Variants in RHNO1 observed in about 807,000 individuals in gnomAD.
The protein encoded by RHNO1 is RAD9, HUS1, RAD1-interacting nuclear orphan protein 1.
A neutral mutation model predicts 7.2 loss-of-function variants in RHNO1; 9 were observed. The ratio of observed to expected loss-of-function variants is 1.25; its 90% confidence interval spans 0.75 to 2.18. The LOEUF (loss-of-function observed/expected upper bound fraction) is 2.18. Ranked by LOEUF, RHNO1 falls within the 30% of genes most tolerant of loss-of-function variation. The pLI, the probability that RHNO1 is intolerant of heterozygous loss-of-function variation, is 0.00. For synonymous variants in RHNO1, 95 were observed against 107.5 expected (o/e 0.88, Z 0.72); for missense variants, 292 against 284.5 (o/e 1.03, Z -0.19).
chr12:2,882,111 C>T (rs903143592), intron 1 of RHNO1, among the ~76,000 whole-genome samples: 1 of 151,602 alleles, frequency 6.6e-6, no homozygotes, highest in Non-Finnish European at 1.5e-5. Context: ...TTGCATTCAA[C>T]CTTGTGTCCC....
In RHNO1 at chr12:2,888,630, C is replaced by T. The variant is rs992506261; in HGVS notation, c.*171C>T. The T allele has an allele frequency of 4.5e-5, 22 of 493,852 alleles. No homozygotes were observed. Among genetic ancestry groups the T allele is most frequent in the South Asian group, 1.6e-4 (3 of 19,262 alleles). 30.6% of individuals were successfully genotyped at this position (493,852 alleles called of 1,614,324 possible). A position where few individuals can be genotyped will look rare whatever the true frequency, so the allele number is the denominator to read the frequency against. ...GCAACCACCACTTCCTGGGTTCAAGCGATTCTCCTGCCTCAGCCTCCCCAG... is the reference window on the plus strand; with the variant it reads ...GCAACCACCACTTCCTGGGTTCAAGTGATTCTCCTGCCTCAGCCTCCCCAG... On this transcript the variant is annotated 3_prime_UTR_variant, in exon 3 of 3. Transcript: ENST00000489288.
At position 2,888,491 on chromosome 12, in the gene RHNO1, A is replaced by G. The variant is rs1230750358; in HGVS notation, c.*32A>G. The G allele has an allele frequency of 2.0e-6, 3 of 1,502,260 alleles. No individual in the cohort carries two copies. Among genetic ancestry groups the G allele is most frequent in the Non-Finnish European group, 8.9e-7 (1 of 1,121,900 alleles). 93.1% of individuals were successfully genotyped at this position (1,502,260 alleles called of 1,614,324 possible). A position where few individuals can be genotyped will look rare whatever the true frequency, so the allele number is the denominator to read the frequency against. The stretch of plus-strand genomic sequence containing the variant: ...TCAGTAATCTCAATAGAAAAGAGAT[A>G]TGTTTTCTGGAGTCATAAAGGAATT... On this transcript the variant is annotated 3_prime_UTR_variant, in exon 3 of 3. Coordinates refer to ENST00000489288, the MANE Select transcript of RHNO1 (RefSeq NM_001252499.3).
Position 2,889,428 on chromosome 12 carries a change from T to C in RHNO1, c.*969T>C, listed in dbSNP as rs558620289. On this transcript the variant is annotated 3_prime_UTR_variant, in exon 3 of 3. Transcript: ENST00000489288. The stretch of plus-strand genomic sequence containing the variant: ...GAAAGTTTTCAATGAGTATTACTTA[T>C]TGTAATTAATGCAGAAGGACTTCCC... 3 of 152,326 alleles carry C rather than the reference T, an allele frequency of 2.0e-5. No homozygotes were observed. The highest frequency in any genetic ancestry group is 2.1e-4 in the South Asian group (1 of 4,830). The allele number at this position is 152,326 out of a possible 1,614,324, so 9.4% of individuals were successfully genotyped here. A position where few individuals can be genotyped will look rare whatever the true frequency, so the allele number is the denominator to read the frequency against.
rs2098168102 is a variant in RHNO1, at chr12:2,888,315, C to T, written c.573C>T (p.Ser191=). 1 of 1,614,114 alleles carries T rather than the reference C, an allele frequency of 6.2e-7. No individual in the cohort carries two copies. Residue 191 remains serine (S), a synonymous_variant, in exon 3 of 3, where the codon AGC becomes AGT. Coordinates refer to ENST00000489288, the MANE Select transcript of RHNO1 (RefSeq NM_001252499.3). The part of the protein sequence containing the change: ...SCTLHTGTPN[S]PEPGPVLVKD... ...CTCTTCACACTGGCACTCCTAATAG[C>T]CCAGAGCCTGGACCTGTTCTGGTTA...
At chr12:2,876,468 G>C (rs998708098), upstream of RHNO1, 3 of 152,194 alleles carry the variant, frequency 2.0e-5, no homozygotes, top group African/African-American at 7.2e-5. Flanking sequence ...CCTGAGCGGG[G>C]AAATCTTGCT....
rs752412686 is a variant in RHNO1, at chr12:2,885,386, G to A, written c.20G>A (p.Arg7His). The A allele has an allele frequency of 9.3e-6, 15 of 1,612,452 alleles. No individual in the cohort carries two copies. Among genetic ancestry groups the A allele is most frequent in the Non-Finnish European group, 1.3e-5 (15 of 1,179,536 alleles). The change falls in exon 2 of 3, where the codon CGC (arginine) becomes CAC (histidine). Residue 7 changes from arginine to histidine, a missense_variant. Arg to His is a conservative substitution (Grantham distance 29). Transcript: ENST00000489288. Reference protein sequence around the residue: MPPRKKRRQPSQKAPLL... With the variant: MPPRKKHRQPSQKAPLL... ...CGGTTGATGCCTCCCAGAAAAAAACGCCGCCAGCCTTCCCAGAAAGCCCCG... is the reference window on the plus strand; with the variant it reads ...CGGTTGATGCCTCCCAGAAAAAAACACCGCCAGCCTTCCCAGAAAGCCCCG...
intron 2 of RHNO1, chr12:2,885,759 T>C (rs2098164877): frequency 2.4e-6 from 1 of 415,510 alleles, no homozygotes; most frequent in African/African-American, 2.1e-5. Flanking sequence ...GTATTTTCAG[T>C]AGAGATGGGG....
rs1304371318 is a variant in RHNO1, at chr12:2,886,320, A to C, written c.168+786A>C. 3 of 152,270 alleles carry C rather than the reference A, an allele frequency of 2.0e-5. No homozygotes were observed. The East Asian group carries it at 5.8e-4, about 29-fold the overall frequency. 9.4% of individuals were successfully genotyped at this position (152,270 alleles called of 1,614,324 possible). The stretch of plus-strand genomic sequence containing the variant: ...TGAACCTTGAAAAATAAAACCCCAT[A>C]AGAATAGCATATGTCATATTTTGAC... On this transcript the variant is annotated intron_variant, in intron 2 of 2. Coordinates refer to ENST00000489288, the MANE Select transcript of RHNO1 (RefSeq NM_001252499.3).
intron 2 of RHNO1, 25 bp downstream of exon 2, chr12:2,885,559 ACATTTT>A: frequency 1.4e-6 from 1 of 691,344 alleles, no homozygotes; most frequent in Non-Finnish European, 2.0e-6. Flanking sequence ...TTACTATTTG[ACATTTT>A]TTTTTTTTTT....
intron 1 of RHNO1, among the ~76,000 whole-genome samples, chr12:2,883,076 A>AAAAAAAACAAC (rs1173545959): frequency 1.8e-4 from 10 of 56,236 alleles, no homozygotes; most frequent in African/African-American, 6.6e-4. Flanking sequence ...CAAAAAAAAA[A>AAAAAAAACAAC]AAAAAAAAAC....
chr12:2,879,817 A>C (rs1403511553), intron 1 of RHNO1, among the ~76,000 whole-genome samples: 1 of 152,022 alleles, frequency 6.6e-6, no homozygotes, highest in Non-Finnish European at 1.5e-5. Flanking sequence ...GAGTGAGAAC[A>C]GCTCCAAAGC....
intron 1 of RHNO1, among the ~76,000 whole-genome samples, chr12:2,879,391 G>A (rs1334730139): frequency 6.6e-6 from 1 of 151,644 alleles, no homozygotes; most frequent in East Asian, 1.9e-4. Context: ...GGAGTTCAGT[G>A]GCACGATCTC....
chr12:2,885,561 ATTTTTTTTTTTTTTTTTT>A (rs10558952), intron 2 of RHNO1, 27 bp downstream of exon 2: 9 of 398,634 alleles, frequency 2.3e-5, no homozygotes, highest in East Asian at 2.2e-4. Flanking sequence ...ACTATTTGAC[ATTTTTTTTTTTTTTTTTT>A]TTTTTTTTTT....
At position 2,889,149 on chromosome 12, in the gene RHNO1, T is replaced by G. The variant is rs566014864; in HGVS notation, c.*690T>G. On this transcript the variant is annotated 3_prime_UTR_variant, in exon 3 of 3. Transcript: ENST00000489288. ...CTACGACCTGATGGATGGAAAAAAA[T>G]CAAACTCTGTGACTCTATGGTTGAC... The G allele has an allele frequency of 2.0e-5, 3 of 151,912 alleles. No individual in the cohort carries two copies. The highest frequency in any genetic ancestry group is 2.1e-4 in the South Asian group (1 of 4,824). The allele number at this position is 151,912 out of a possible 1,614,324, so 9.4% of individuals were successfully genotyped here.
chr12:2,889,404 A>G lies in RHNO1; in HGVS notation c.*945A>G, dbSNP rs2098169535. 6.6e-6 allele frequency: 1 copy of G among 152,200 alleles called. No homozygotes were observed. The highest frequency in any genetic ancestry group is 1.5e-5 in the Non-Finnish European group (1 of 68,034). The allele number at this position is 152,200 out of a possible 1,614,324, so 9.4% of individuals were successfully genotyped here. ...ACTGTTCAACTGTGTGTAAATAAGGAAAGTTTTCAATGAGTATTACTTATT... is the reference window on the plus strand; with the variant it reads ...ACTGTTCAACTGTGTGTAAATAAGGGAAGTTTTCAATGAGTATTACTTATT... On this transcript the variant is annotated 3_prime_UTR_variant, in exon 3 of 3. Transcript: ENST00000489288.
chr12:2,888,396 C>T lies in RHNO1; in HGVS notation c.654C>T (p.His218=). The change falls in exon 3 of 3, where the codon CAC becomes CAT. Residue 218 remains histidine, a synonymous_variant. Coordinates refer to ENST00000489288, the MANE Select transcript of RHNO1 (RefSeq NM_001252499.3). ...GIKVTWRRRQ[H]LLAYLRERGK... ...AGGTCACATGGAGGAGACGACAGCA[C>T]CTGCTTGCTTACCTCAGGGAGAGAG... The T allele has an allele frequency of 6.2e-7, 1 of 1,612,560 alleles. No individual in the cohort carries two copies. The highest frequency in any genetic ancestry group is 8.5e-7 in the Non-Finnish European group (1 of 1,179,360).
chr12:2,888,393 G>A lies in RHNO1; in HGVS notation c.651G>A (p.Gln217=), dbSNP rs1166516049. 6.2e-7 allele frequency: 1 copy of A among 1,612,514 alleles called. No individual in the cohort carries two copies. Among genetic ancestry groups the A allele is most frequent in the African/African-American group, 1.3e-5 (1 of 74,834 alleles). The change falls in exon 3 of 3, where the codon CAG becomes CAA. Residue 217 remains glutamine, a synonymous_variant. Transcript: ENST00000489288. ...TAAAGGTCACATGGAGGAGACGACA[G>A]CACCTGCTTGCTTACCTCAGGGAGA... ...YGIKVTWRRR[Q]HLLAYLRERG...
At chr12:2,883,501 ATATATATATATTTTTTTTT>A (rs1318686044) in intron 1 of RHNO1, among the ~76,000 whole-genome samples, 499 of 31,174 alleles carry the variant, frequency 0.016, 6 homozygotes, top group East Asian at 0.047. Context: ...ATATATATAT[ATATATATATATTTTTTTTT>A]TTTTTTTTTT....
intron 1 of RHNO1, among the ~76,000 whole-genome samples, chr12:2,883,499 ATATATATATATATT>A (rs1300489407): frequency 2.3e-4 from 7 of 30,992 alleles, no homozygotes; most frequent in South Asian, 2.7e-3. Context: ...ATATATATAT[ATATATATATATATT>A]TTTTTTTTTT....
Sources: allele counts gnomAD v4.1 joint callset (sites outside exome capture counted in the v4.1 genomes callset), GRCh38; gene constraint gnomAD v4.1.1; transcripts MANE v1.5; gene names NCBI Gene and HGNC (gene_info 2026-07-23, HGNC 2026-07-21).